Variants in CEP85L observed in about 807,000 individuals in gnomAD.
The protein encoded by CEP85L is centrosomal protein of 85 kDa-like.
Under a neutral mutation model 100.3 loss-of-function variants are expected in CEP85L, and 60 were observed. The ratio of observed to expected loss-of-function variants is 0.60; its 90% CI spans 0.49 to 0.74. The LOEUF (loss-of-function observed/expected upper bound fraction) is 0.74. CEP85L is among the 30% of genes least tolerant of loss of function. The pLI, the probability that CEP85L is intolerant of heterozygous loss-of-function variation, is 0.00. For missense variants in CEP85L, 973 were observed against 936.2 expected, an observed-to-expected ratio of 1.04 and a Z score of -0.51; for synonymous variants, 319 against 322.7, an observed-to-expected ratio of 0.99 and a Z score of 0.12.
rs536610457 is a variant in CEP85L at position 118,462,095 on chromosome 6, T to C, written c.*3310A>G. 1 of 152,190 alleles carries C rather than the reference T, an allele frequency of 6.6e-6. No homozygotes were observed. Among genetic ancestry groups the C allele is most frequent in the Non-Finnish European group, 1.5e-5 (1 of 67,900 alleles). The allele number at this position is 152,190 out of a possible 1,614,324, so 9.4% of individuals were successfully genotyped here. ...TAAGCTCCTTAGTATATCAGAAATG[T>C]ATGACATTCATTTTAGCAACACTTT... is the stretch of plus-strand genomic sequence containing the variant. On this transcript the variant is annotated 3_prime_UTR_variant, in exon 13 of 13. Transcript: ENST00000368491.
At chr6:118,696,164 G>C (rs1401359253) in intron 1 of CEP85L, among the ~76,000 whole-genome samples, 2 of 151,990 alleles carry the variant, frequency 1.3e-5, no homozygotes, top group African/African-American at 4.8e-5. Flanking sequence ...CCAGCTACTC[G>C]GGAGGCTGAG....
chr6:118,478,441 A>G (rs938858050), intron 10 of CEP85L, among the ~76,000 whole-genome samples: 2 of 152,090 alleles, frequency 1.3e-5, no homozygotes, highest in Non-Finnish European at 2.9e-5. Flanking sequence ...ATCAACATTT[A>G]TTGTCTGTCT....
chr6:118,642,523 C>T (rs1386276173), intron 1 of CEP85L, among the ~76,000 whole-genome samples: 2 of 152,130 alleles, frequency 1.3e-5, no homozygotes, highest in Non-Finnish European at 2.9e-5. Context: ...TTTCACTCAG[C>T]TAAAATAAGG....
chr6:118,550,625 G>A (rs1043028521), intron 3 of CEP85L, among the ~76,000 whole-genome samples: 1 of 151,832 alleles, frequency 6.6e-6, no homozygotes, highest in Non-Finnish European at 1.5e-5. Flanking sequence ...ACAGAACTAA[G>A]AAAACAGGGA....
At chr6:118,554,247 A>C (rs184916361) in intron 3 of CEP85L, among the ~76,000 whole-genome samples, 403 of 152,272 alleles carry the variant, frequency 2.6e-3, no homozygotes, top group African/African-American at 9.4e-3. Context: ...CGATTGCACA[A>C]CTGCACTCCA....
intron 1 of CEP85L, among the ~76,000 whole-genome samples, chr6:118,672,099 C>G (rs199952630): frequency 1.3e-5 from 2 of 152,076 alleles, no homozygotes; most frequent in Non-Finnish European, 2.9e-5. Context: ...TGCAGTGGTG[C>G]GATCTCAGCT....
chr6:118,553,383 G>C (rs1360903958), intron 3 of CEP85L, among the ~76,000 whole-genome samples: 1 of 152,114 alleles, frequency 6.6e-6, no homozygotes, highest in Non-Finnish European at 1.5e-5. Context: ...CTCAATGTAT[G>C]ACAGGAAGCC....
At chr6:118,661,118 C>G (rs1417655845) in intron 1 of CEP85L, among the ~76,000 whole-genome samples, 5 of 152,124 alleles carry the variant, frequency 3.3e-5, no homozygotes, top group Non-Finnish European at 5.9e-5. Context: ...AACTCCTGAC[C>G]TCATTATCTG....
At chr6:118,620,059 T>C (rs9489472) in intron 2 of CEP85L, among the ~76,000 whole-genome samples, 4,411 of 152,276 alleles carry the variant, frequency 0.029, 106 homozygotes, top group African/African-American at 0.056. Flanking sequence ...AAGAAGCCTA[T>C]GAACTACTCA....
At chr6:118,610,654 A>C (rs1327657831) in intron 2 of CEP85L, among the ~76,000 whole-genome samples, 1 of 152,214 alleles carries the variant, frequency 6.6e-6, no homozygotes, top group Admixed American at 6.5e-5. Context: ...CCTGGCAATA[A>C]GGAGACAGTG....
chr6:118,572,206 A>G (rs1057004436), intron 2 of CEP85L, among the ~76,000 whole-genome samples: 1 of 150,864 alleles, frequency 6.6e-6, no homozygotes, highest in Non-Finnish European at 1.5e-5. Flanking sequence ...CTTCCTGCTA[A>G]CGCCATGATC....
chr6:118,540,479 G>A (rs62424204), intron 3 of CEP85L, among the ~76,000 whole-genome samples: 24,899 of 151,956 alleles, frequency 0.16, 2,195 homozygotes, highest in Non-Finnish European at 0.19. Flanking sequence ...CTTTCTGGCC[G>A]GGCACAGTGG....
At chr6:118,595,254 G>C (rs1182386990) in intron 2 of CEP85L, among the ~76,000 whole-genome samples, 2 of 142,232 alleles carry the variant, frequency 1.4e-5, no homozygotes, top group Non-Finnish European at 3.1e-5. Context: ...CAATTTGGTA[G>C]CCTGGTAGAC....
At chr6:118,674,368 A>T (rs1196233449) in intron 1 of CEP85L, among the ~76,000 whole-genome samples, 1 of 152,058 alleles carries the variant, frequency 6.6e-6, no homozygotes, top group East Asian at 1.9e-4. Flanking sequence ...TACTAAAAAT[A>T]AAAAAATTAG....
chr6:118,571,965 T>C (rs1198296808), intron 2 of CEP85L, among the ~76,000 whole-genome samples: 1 of 152,094 alleles, frequency 6.6e-6, no homozygotes, highest in Non-Finnish European at 1.5e-5. Flanking sequence ...CAAGCGATTC[T>C]CCTGCCTCAG....
chr6:118,529,598 ACT>A (rs1399665672), intron 3 of CEP85L, among the ~76,000 whole-genome samples: 44 of 121,756 alleles, frequency 3.6e-4, no homozygotes, highest in Non-Finnish European at 5.9e-4. Context: ...ACAGAGCGAG[ACT>A]CTGTCTCCAA....
chr6:118,651,793 C>T (rs1019346031), upstream of CEP85L: 34 of 985,994 alleles, frequency 3.4e-5, no homozygotes, highest in Middle Eastern at 1.0e-3. Context: ...CCGCATCCCT[C>T]TGTCTCCATC....
At chr6:118,481,714 T>A in intron 8 of CEP85L, 65 bp downstream of exon 8, 1 of 941,916 alleles carries the variant, frequency 1.1e-6, no homozygotes, top group Non-Finnish European at 1.5e-6. Context: ...TAAATTAATT[T>A]AAGTAAAATG....
At chr6:118,532,176 A>T (rs1777332341) in intron 3 of CEP85L, among the ~76,000 whole-genome samples, 1 of 152,198 alleles carries the variant, frequency 6.6e-6, no homozygotes, top group South Asian at 2.1e-4. Context: ...ATGTAATACT[A>T]CATAGCCATA....
Sources: gnomAD v4.1 joint callset for allele counts (sites outside exome capture counted in the v4.1 genomes callset) on GRCh38, gnomAD v4.1.1 for gene constraint, MANE v1.5 for transcripts, NCBI Gene and HGNC (gene_info 2026-07-23, HGNC 2026-07-21) for gene names.